The following URB1 variants were observed in gnomAD, a reference collection of about 807,000 sequenced individuals.
URB1 encodes the protein nucleolar pre-ribosomal-associated protein 1.
URB1 carries 197 observed loss-of-function variants against 242.3 expected under a neutral mutation model. The ratio of observed to expected loss-of-function variants is 0.81; its 90% CI spans 0.72 to 0.91. The LOEUF (loss-of-function observed/expected upper bound fraction) is 0.91. Among genes scored for constraint, URB1 ranks in the 40% least tolerant of loss-of-function variants. The pLI is 0.00. For synonymous variants in URB1, 1,153 were observed against 1,201.8 expected (o/e 0.96, Z 0.84); for missense variants, 2,721 against 2,860.5 (o/e 0.95, Z 1.11).
At position 32,334,156 on chromosome 21, in the gene URB1, G is replaced by C. The variant is rs1225984490; in HGVS notation, c.4857+7C>G. 1.3e-6 allele frequency: 2 copies of C among 1,540,988 alleles called. No homozygotes were observed. Among genetic ancestry groups the C allele is most frequent in the East Asian group, 4.9e-5 (2 of 40,644 alleles). ...GGTGGGTAGGGACAGAACAGCAGCAGCCCAACCTCGGGGGGCAGCAGCCTC... is the reference window on the plus strand; with the variant it reads ...GGTGGGTAGGGACAGAACAGCAGCACCCCAACCTCGGGGGGCAGCAGCCTC... On this transcript the variant is annotated splice_region_variant and intron_variant, in intron 29 of 38. Coordinates refer to ENST00000382751, the MANE Select transcript of URB1 (RefSeq NM_014825.3).
rs934468450 is a variant in URB1 at position 32,372,693 on chromosome 21, G to C, written c.877-62C>G. 83 of 1,488,928 alleles carry C rather than the reference G, an allele frequency of 5.6e-5. 1 individual carries two copies. The African/African-American group carries it at 6.3e-4, about 11-fold the overall frequency. 92.2% of individuals were successfully genotyped at this position (1,488,928 alleles called of 1,614,324 possible). On this transcript the variant is annotated intron_variant, in intron 7 of 38. Coordinates refer to ENST00000382751, the MANE Select transcript of URB1 (RefSeq NM_014825.3). ...AGCTCATACACTTTAGTAAGAGCTA[G>C]AGTAAAAACAAGGACAATATTAACT...
At chr21:32,364,023 C>T (rs368763539) in intron 10 of URB1, among the ~76,000 whole-genome samples, 9 of 151,548 alleles carry the variant, frequency 5.9e-5, no homozygotes, top group African/African-American at 2.2e-4. Context: ...CTATTAAAAG[C>T]ATTAGCATCA....
chr21:32,363,406 T>C, intron 10 of URB1, 77 bp from the exon 11 acceptor site: 5 of 1,479,984 alleles, frequency 3.4e-6, no homozygotes, highest in Non-Finnish European at 4.5e-6. Flanking sequence ...TGGCTGGCAT[T>C]TGCCCCTCCT....
rs1172187855 is a variant in URB1 at position 32,347,775 on chromosome 21, G to A, written c.3049C>T (p.Pro1017Ser). 2 of 1,547,562 alleles carry A rather than the reference G, an allele frequency of 1.3e-6. No individual in the cohort carries two copies. Among genetic ancestry groups the A allele is most frequent in the South Asian group, 2.4e-5 (2 of 84,020 alleles). Residue 1017 changes from proline (P) to serine (S), a missense_variant, in exon 22 of 39, where the codon CCC becomes TCC. Physicochemically the swap from Pro to Ser is moderately conservative, Grantham distance 74. Transcript: ENST00000382751. ...GCCAGGAACCAGCCCTCCAGGGTGG[G>A]GTGCCTGAGGATGGCCACAAGCACC... ...EEVLVAILRH[P>S]TLEGWFLALE...
chr21:32,368,290 A>T, intron 9 of URB1, 113 bp downstream of exon 9: 1 of 965,468 alleles, frequency 1.0e-6, no homozygotes, highest in Non-Finnish European at 1.5e-6. Flanking sequence ...CTGGTCTCAA[A>T]CTCCTGACCT....
chr21:32,347,239 C>T lies in URB1; in HGVS notation c.3585G>A (p.Glu1195=). The T allele has an allele frequency of 1.3e-6, 2 of 1,550,820 alleles. No individual in the cohort carries two copies. The highest frequency in any genetic ancestry group is 1.4e-5 in the African/African-American group (1 of 73,190). The change falls in exon 22 of 39, where the codon GAG becomes GAA. Residue 1195 remains glutamate (E), a synonymous_variant. Coordinates refer to ENST00000382751, the MANE Select transcript of URB1 (RefSeq NM_014825.3). ...GAGTGTGGAGGAGCACTGTGTCCAGCTCGTCCACTGCTAGCGTGGGCAGCA... is the reference window on the plus strand; with the variant it reads ...GAGTGTGGAGGAGCACTGTGTCCAGTTCGTCCACTGCTAGCGTGGGCAGCA... ...GALLPTLAVD[E]LDTVLLHTLQ... is the part of the protein sequence containing the mutation.
At chr21:32,340,485 T>C (rs1165225168) in intron 25 of URB1, among the ~76,000 whole-genome samples, 1 of 152,016 alleles carries the variant, frequency 6.6e-6, no homozygotes, top group Non-Finnish European at 1.5e-5. Flanking sequence ...TGGTGGTGCG[T>C]GCCTGTGGAC....
intron 25 of URB1, 76 bp downstream of exon 25, chr21:32,341,390 C>T: frequency 7.1e-7 from 1 of 1,405,674 alleles, no homozygotes; most frequent in Non-Finnish European, 9.8e-7. Flanking sequence ...TAATAACAAG[C>T]TATAAAAGAG....
intron 33 of URB1, 72 bp from the exon 34 acceptor site, chr21:32,322,016 CA>C: frequency 6.6e-7 from 1 of 1,516,636 alleles, no homozygotes; most frequent in Non-Finnish European, 8.9e-7. Flanking sequence ...GTTCAAACAC[CA>C]CTATTTTAAG....
Position 32,317,812 on chromosome 21 carries a change from G to A in URB1, c.5898C>T (p.Phe1966=). 1 of 1,551,980 alleles carries A rather than the reference G, an allele frequency of 6.4e-7. No individual in the cohort carries two copies. ...TGGAAAGCACTGTCTCATTTACGGT[G>A]AATCTGTTCATGTCCCTAAAGGCCT... ...VIQAFRDMNR[F]TVNETVLSTK... Residue 1966 remains phenylalanine (F), a synonymous_variant, in exon 37 of 39, where the codon TTC becomes TTT. Transcript: ENST00000382751.
At chr21:32,337,256 G>A (rs957771432) in intron 27 of URB1, 99 bp from the exon 28 acceptor site, 14 of 1,387,006 alleles carry the variant, frequency 1.0e-5, no homozygotes, top group Admixed American at 6.0e-5. Context: ...CAAATGGCCC[G>A]GTCCTCATAT....
Position 32,375,407 on chromosome 21 carries a change from C to T in URB1, c.741G>A (p.Leu247=), listed in dbSNP as rs1355892591. Residue 247 remains leucine (L), a synonymous_variant, in exon 6 of 39, where the codon CTG becomes CTA. Coordinates refer to ENST00000382751, the MANE Select transcript of URB1 (RefSeq NM_014825.3). The part of the protein sequence containing the change: ...ISTINILLST[L]KTKVVHNKNI... ...ATCACCAAGCACATACCTTTGTTTT[C>T]AGTGTGGATAATAAAATATTGATGG... The T allele has an allele frequency of 5.2e-6, 8 of 1,527,814 alleles. No individual in the cohort carries two copies. Among genetic ancestry groups the T allele is most frequent in the Non-Finnish European group, 7.0e-6 (8 of 1,134,968 alleles). The allele number at this position is 1,527,814 out of a possible 1,614,324, so 94.6% of individuals were successfully genotyped here. A position where few individuals can be genotyped will look rare whatever the true frequency, so the allele number is the denominator to read the frequency against.
rs1417599208 is a variant in URB1, at chr21:32,347,124, C to CT, written c.3699_3700insA (p.Ala1234SerfsTer79). On this transcript the variant is annotated frameshift_variant, in exon 22 of 39. Coordinates refer to ENST00000382751, the MANE Select transcript of URB1 (RefSeq NM_014825.3). LOFTEE classifies it high-confidence loss of function. ...CAGCTCTCCTGGAGGAGCAGGGCAGCGATGCTGAGGGCCGCCTGTGTGCGC... is the reference window on the plus strand; with the variant it reads ...CAGCTCTCCTGGAGGAGCAGGGCAGCTGATGCTGAGGGCCGCCTGTGTGCGC... The CT allele has an allele frequency of 6.5e-7, 1 of 1,549,336 alleles. No individual in the cohort carries two copies. The highest frequency in any genetic ancestry group is 8.7e-7 in the Non-Finnish European group (1 of 1,146,338).
intron 1 of URB1, among the ~76,000 whole-genome samples, chr21:32,388,776 A>G (rs973190442): frequency 6.6e-6 from 1 of 152,240 alleles, no homozygotes; most frequent in African/African-American, 2.4e-5. Context: ...ATTATTCGTC[A>G]AACTCTAGCA....
intron 1 of URB1, among the ~76,000 whole-genome samples, chr21:32,386,151 GA>G (rs10717995): frequency 0.15 from 19,200 of 126,374 alleles, 1,451 homozygotes; most frequent in African/African-American, 0.25. Context: ...TCTGTCTCAG[GA>G]AAAAAAAAAA....
Position 32,361,082 on chromosome 21 carries a change from C to T in URB1, c.1681G>A (p.Val561Ile), listed in dbSNP as rs2033277936. 1.3e-6 allele frequency: 2 copies of T among 1,548,830 alleles called. No homozygotes were observed. Among genetic ancestry groups the T allele is most frequent in the African/African-American group, 1.4e-5 (1 of 72,308 alleles). ...TILLKAVLLQ[V>I]ICLYQKVVPH... ...ACCACCTTCTGGTAGAGGCATATGA[C>T]CTGGAGCAAAACAGCTTTCAAAAGA... The change falls in exon 13 of 39, where the codon GTC becomes ATC. Residue 561 changes from valine (V) to isoleucine (I), a missense_variant. Val to Ile is a conservative substitution (Grantham distance 29, BLOSUM62 3). Coordinates refer to ENST00000382751, the MANE Select transcript of URB1 (RefSeq NM_014825.3).
chr21:32,370,314 A>G lies in URB1; in HGVS notation c.1002-1716T>C, dbSNP rs73903312. Among the ~76,000 whole-genome samples, 310 of 151,900 alleles carry G rather than the reference A, an allele frequency of 2.0e-3. 2 individuals are homozygous for G. Among genetic ancestry groups the G allele is most frequent in the African/African-American group, 7.2e-3 (297 of 41,238 alleles). On this transcript the variant is annotated intron_variant, in intron 8 of 38. Transcript: ENST00000382751. The stretch of plus-strand genomic sequence containing the variant: ...AAAGTTTTTTAAAAACCAAATTAGA[A>G]AGTATAATTTTGATCAGAAAAACTA...
chr21:32,319,494 A>G (rs2123542457), intron 35 of URB1, 80 bp from the exon 36 acceptor site: 1 of 1,319,074 alleles, frequency 7.6e-7, no homozygotes, highest in Non-Finnish European at 1.0e-6. Flanking sequence ...CCATAATCCT[A>G]TCTGCTCATC....
At chr21:32,333,475 G>C (rs1239254410) in intron 29 of URB1, 56 bp from the exon 30 acceptor site, 1 of 1,347,082 alleles carries the variant, frequency 7.4e-7, no homozygotes, top group Non-Finnish European at 1.0e-6. Flanking sequence ...AGGTAATACA[G>C]GTTGAGTATC....
Sources: gnomAD v4.1 joint callset for allele counts (sites outside exome capture counted in the v4.1 genomes callset) on GRCh38, gnomAD v4.1.1 for gene constraint, MANE v1.5 for transcripts, NCBI Gene and HGNC (gene_info 2026-07-23, HGNC 2026-07-21) for gene names.